Variants in IL2RA observed in about 807,000 individuals in gnomAD.
The protein encoded by IL2RA is interleukin-2 receptor subunit alpha.
IL2RA carries 24 observed loss-of-function variants against 37.8 expected under a neutral mutation model. The ratio of observed to expected loss-of-function variants is 0.63; its 90% confidence interval spans 0.46 to 0.89. The LOEUF (loss-of-function observed/expected upper bound fraction) is 0.89. Among genes scored for constraint, IL2RA ranks in the 40% least tolerant of loss-of-function variants. IL2RA has a pLI of 0.00. For missense variants in IL2RA, 319 were observed against 348.6 expected, an observed-to-expected ratio of 0.92 and a Z score of 0.68; for synonymous variants, 125 against 114.6, an observed-to-expected ratio of 1.09 and a Z score of -0.58.
At position 6,022,563 on chromosome 10, in the gene IL2RA, C is replaced by T. The variant is rs1839404619; in HGVS notation, c.368-870G>A. Among the ~76,000 whole-genome samples, 4 of 152,338 alleles carry T rather than the reference C, an allele frequency of 2.6e-5. No individual in the cohort carries two copies. Among genetic ancestry groups the T allele is most frequent in the Admixed American group, 6.5e-5 (1 of 15,304 alleles). On this transcript the variant is annotated intron_variant, in intron 3 of 7. Coordinates refer to ENST00000379959, the MANE Select transcript of IL2RA (RefSeq NM_000417.3). This position sits in a 1 kb window ranked among gnomAD's most constrained non-coding sequence, Gnocchi z 4.7. The stretch of plus-strand genomic sequence containing the variant: ...CCCAACCCTGCATACCCAACAGAGC[C>T]TCTGTAAATATCCTCCAGAGCCTCT...
At chr10:6,040,136 T>C (rs1352807058) in intron 1 of IL2RA, among the ~76,000 whole-genome samples, 6 of 152,278 alleles carry the variant, frequency 3.9e-5, no homozygotes, top group Non-Finnish European at 8.8e-5. Flanking sequence ...CATTGAAATC[T>C]GTAAAATGCT....
chr10:6,038,660 A>G (rs1397379600), intron 1 of IL2RA, among the ~76,000 whole-genome samples: 1 of 152,214 alleles, frequency 6.6e-6, no homozygotes, highest in African/African-American at 2.4e-5. Flanking sequence ...TTCAAATAGC[A>G]AACATAAATG....
chr10:6,021,547 G>A lies in IL2RA; in HGVS notation c.514C>T (p.His172Tyr), dbSNP rs372508950. Residue 172 changes from histidine to tyrosine, a missense_variant, in exon 4 of 8, where the codon CAC becomes TAC. Transcript: ENST00000379959. This position sits in a 1 kb window ranked among gnomAD's most constrained non-coding sequence, Gnocchi z 4.9. ...GGCTGGGTCCACCTTGTCTTCCCGT[G>A]GGTCATTTTGCAGACGCTCTCAGCA... ...GPAESVCKMT[H>Y]GKTRWTQPQL... 3.1e-6 allele frequency: 5 copies of A among 1,613,992 alleles called. No homozygotes were observed. In the African/African-American group the frequency reaches 4.0e-5, roughly 13 times the overall value.
Position 6,028,711 on chromosome 10 carries a change from C to T in IL2RA, c.65-2686G>A, listed in dbSNP as rs1156909664. Among the ~76,000 whole-genome samples, 1 of 152,068 alleles carries T rather than the reference C, an allele frequency of 6.6e-6. No individual in the cohort carries two copies. The highest frequency in any genetic ancestry group is 2.4e-5 in the African/African-American group (1 of 41,414). On this transcript the variant is annotated intron_variant, in intron 1 of 7. Coordinates refer to ENST00000379959, the MANE Select transcript of IL2RA (RefSeq NM_000417.3). This position sits in a 1 kb window ranked among gnomAD's most constrained non-coding sequence, Gnocchi z 4.1. ...AAAAAGTGCTCAATAGAAACAGACC[C>T]GTAAAATTGGGTGTGGTGGCTCATG...
chr10:6,034,926 A>G (rs1390688754), intron 1 of IL2RA, among the ~76,000 whole-genome samples: 1 of 152,212 alleles, frequency 6.6e-6, no homozygotes, highest in Non-Finnish European at 1.5e-5. Context: ...ATTTTAAAGT[A>G]TTGGCACGAT....
At chr10:6,043,523 C>T (rs1009681474) in intron 1 of IL2RA, among the ~76,000 whole-genome samples, 2 of 152,164 alleles carry the variant, frequency 1.3e-5, no homozygotes, top group Non-Finnish European at 2.9e-5. Context: ...ACTGCAACCT[C>T]TGCCTCCAAG....
intron 3 of IL2RA, among the ~76,000 whole-genome samples, chr10:6,023,665 A>G (rs896546476): frequency 1.3e-5 from 2 of 152,148 alleles, no homozygotes; most frequent in African/African-American, 2.4e-5. Context: ...CTGAATCCCA[A>G]TTCAGTCGTG....
At position 6,012,739 on chromosome 10, in the gene IL2RA, G is replaced by T; in HGVS notation, c.*133C>A. Reference sequence around the variant, plus strand: ...CCGTGTCCTGTGATGTGACTTCAGAGCTTCCAAAACGCAGGCAAGCACAAC... The same window carrying T: ...CCGTGTCCTGTGATGTGACTTCAGATCTTCCAAAACGCAGGCAAGCACAAC... On this transcript the variant is annotated 3_prime_UTR_variant, in exon 8 of 8. Coordinates refer to ENST00000379959, the MANE Select transcript of IL2RA (RefSeq NM_000417.3). The surrounding 1 kb of genome is among the most constrained non-coding windows in gnomAD (Gnocchi z 4.8). 1.1e-6 allele frequency: 1 copy of T among 915,608 alleles called. No homozygotes were observed. Among genetic ancestry groups the T allele is most frequent in the Non-Finnish European group, 1.8e-6 (1 of 551,198 alleles). 56.7% of individuals were successfully genotyped at this position (915,608 alleles called of 1,614,324 possible).
chr10:6,049,751 G>T (rs1344888329), intron 1 of IL2RA, among the ~76,000 whole-genome samples: 3 of 152,196 alleles, frequency 2.0e-5, no homozygotes, highest in South Asian at 2.1e-4. Context: ...GCATGCAAAG[G>T]TTTTCGTAAA....
chr10:6,018,092 C>T lies in IL2RA; in HGVS notation c.755G>A (p.Ser252Asn), dbSNP rs751192304. ...AVAGCVFLLI[S>N]VLLLSGLTWQ... ...GGTGAGCCCACTCAGGAGGAGGACG[C>T]TGATCAGCAGGAAAACACAGCCGGC... The change falls in exon 7 of 8, where the codon AGC becomes AAC. Residue 252 changes from serine (S) to asparagine (N), a missense_variant. Transcript: ENST00000379959. The surrounding 1 kb of genome is among the most constrained non-coding windows in gnomAD (Gnocchi z 5.1). The T allele has an allele frequency of 6.2e-6, 10 of 1,613,880 alleles. No individual in the cohort carries two copies. The highest frequency in any genetic ancestry group is 7.6e-6 in the Non-Finnish European group (9 of 1,179,934).
intron 6 of IL2RA, among the ~76,000 whole-genome samples, 173 bp downstream of exon 6, chr10:6,019,255 C>G (rs1226479592): frequency 6.6e-6 from 1 of 152,204 alleles, no homozygotes; most frequent in Non-Finnish European, 1.5e-5. Context: ...AACCAACTAA[C>G]CTCCCAACCT....
rs1010172821 is a variant in IL2RA at position 6,015,195 on chromosome 10, C to T, written c.795-2299G>A. Among the ~76,000 whole-genome samples the T allele has an allele frequency of 3.3e-5, 5 of 151,642 alleles. No individual in the cohort carries two copies. On this transcript the variant is annotated intron_variant, in intron 7 of 7. Coordinates refer to ENST00000379959, the MANE Select transcript of IL2RA (RefSeq NM_000417.3). This position sits in a 1 kb window ranked among gnomAD's most constrained non-coding sequence, Gnocchi z 4.9. The stretch of plus-strand genomic sequence containing the variant: ...GCAGCCTCTGCCTCCTGGGTTCAAG[C>T]GATTCTCCTGCATCAGCCTCCCGAG...
intron 1 of IL2RA, among the ~76,000 whole-genome samples, chr10:6,040,272 G>C (rs1453186858): frequency 1.3e-5 from 2 of 152,148 alleles, no homozygotes; most frequent in East Asian, 3.8e-4. Context: ...CTTAAAGCTT[G>C]ATTGTGTCAC....
Position 6,029,075 on chromosome 10 carries a change from A to G in IL2RA, c.65-3050T>C, listed in dbSNP as rs920065050. On this transcript the variant is annotated intron_variant, in intron 1 of 7. Transcript: ENST00000379959. This position sits in a 1 kb window ranked among gnomAD's most constrained non-coding sequence, Gnocchi z 4.6. Reference sequence around the variant, plus strand: ...TTTAAAACAGTTGTAATTACACTCAATGACTTAAAGCAGAGGTCAGTAAAC... The same window carrying G: ...TTTAAAACAGTTGTAATTACACTCAGTGACTTAAAGCAGAGGTCAGTAAAC... 6.6e-6 allele frequency among the ~76,000 whole-genome samples: 1 copy of G among 151,868 alleles called. No homozygotes were observed. Among genetic ancestry groups the G allele is most frequent in the South Asian group, 2.1e-4 (1 of 4,822 alleles).
rs993011254 is a variant in IL2RA, at chr10:6,028,260, G to C, written c.65-2235C>G. ...GAAGGTCGCCCCAAAATTATGTATA[G>C]GGGTCCACCTCAGGTTCTTAGCCAA... On this transcript the variant is annotated intron_variant, in intron 1 of 7. Coordinates refer to ENST00000379959, the MANE Select transcript of IL2RA (RefSeq NM_000417.3). The surrounding 1 kb of genome is among the most constrained non-coding windows in gnomAD (Gnocchi z 4.1). Among the ~76,000 whole-genome samples the C allele has an allele frequency of 1.6e-4, 24 of 152,290 alleles. No individual in the cohort carries two copies. The South Asian group carries it at 5.0e-3, about 32-fold the overall frequency.
At chr10:6,030,365 C>T (rs1273078758) in intron 1 of IL2RA, among the ~76,000 whole-genome samples, 2 of 152,072 alleles carry the variant, frequency 1.3e-5, no homozygotes, top group East Asian at 3.8e-4. Flanking sequence ...TGCTGAAAAC[C>T]AAAGATAATG....
rs1839659778 is a variant in IL2RA at position 6,035,110 on chromosome 10, G to C, written c.65-9085C>G. 6.6e-6 allele frequency among the ~76,000 whole-genome samples: 1 copy of C among 152,174 alleles called. No homozygotes were observed. ...ACCCTGCACTAGGGTCTCACACAAAGGGGTTGGCACAGGGCTGAGAAGCAG... is the reference window on the plus strand; with the variant it reads ...ACCCTGCACTAGGGTCTCACACAAACGGGTTGGCACAGGGCTGAGAAGCAG... On this transcript the variant is annotated intron_variant, in intron 1 of 7. Transcript: ENST00000379959. The surrounding 1 kb of genome is among the most constrained non-coding windows in gnomAD (Gnocchi z 5.4).
In IL2RA at chr10:6,057,124, C is replaced by T. The variant is rs1840058195; in HGVS notation, c.64+4964G>A. Among the ~76,000 whole-genome samples the T allele has an allele frequency of 6.6e-6, 1 of 152,238 alleles. No individual in the cohort carries two copies. Among genetic ancestry groups the T allele is most frequent in the African/African-American group, 2.4e-5 (1 of 41,458 alleles). On this transcript the variant is annotated intron_variant, in intron 1 of 7. Transcript: ENST00000379959. This position sits in a 1 kb window ranked among gnomAD's most constrained non-coding sequence, Gnocchi z 4.8. ...ACTATATCTATGCCTTTCTCCTCCT[C>T]ACCAACTTATGACTCTCTTAAGGAT...
rs1449433082 is a variant in IL2RA at position 6,025,368 on chromosome 10, T to C, written c.256+466A>G. On this transcript the variant is annotated intron_variant, in intron 2 of 7. Coordinates refer to ENST00000379959, the MANE Select transcript of IL2RA (RefSeq NM_000417.3). The surrounding 1 kb of genome is among the most constrained non-coding windows in gnomAD (Gnocchi z 4.4). ...GACTGTCTCAAAAATAAAAATAAAA[T>C]TGTGTGGCCGGGCACTGTGACTCAT... 3.3e-5 allele frequency among the ~76,000 whole-genome samples: 5 copies of C among 150,282 alleles called. No homozygotes were observed. Among genetic ancestry groups the C allele is most frequent in the Non-Finnish European group, 7.4e-5 (5 of 67,546 alleles).
Sources: allele counts gnomAD v4.1 joint callset (sites outside exome capture counted in the v4.1 genomes callset), GRCh38; gene constraint gnomAD v4.1.1; non-coding constraint Gnocchi (gnomAD v3.1); transcripts MANE v1.5; gene names NCBI Gene and HGNC (gene_info 2026-07-23, HGNC 2026-07-21).